PTGER4: variants seen among roughly 807,000 people sequenced by gnomAD.
PTGER4 encodes prostaglandin E receptor 4.
Under a neutral mutation model 33.2 loss-of-function variants are expected in PTGER4, and 11 were observed. The observed-to-expected ratio is 0.33, with a 90% CI of 0.21 to 0.55. The LOEUF (loss-of-function observed/expected upper bound fraction) is 0.55. Ranked by LOEUF, PTGER4 falls within the 20% of genes least tolerant of loss-of-function variation. The probability of loss-of-function intolerance (pLI) is 0.92; values close to 1 mark genes in which losing one functional copy is unlikely to be tolerated. For synonymous variants in PTGER4, 275 were observed against 281.5 expected (o/e 0.98, Z 0.23); for missense variants, 481 against 650.2 (o/e 0.74, Z 2.83).
At chr5:40,688,203 G>C (rs1484764039) in intron 2 of PTGER4, among the ~76,000 whole-genome samples, 2 of 152,116 alleles carry the variant, frequency 1.3e-5, no homozygotes, top group African/African-American at 2.4e-5. Context: ...AACATTTTCA[G>C]TGTCAAAAAT....
the PTGER4 span, among the ~76,000 whole-genome samples, chr5:40,733,569 C>T: frequency 1.3e-5 from 2 of 152,110 alleles, no homozygotes; most frequent in Non-Finnish European, 2.9e-5. Flanking sequence ...ATTTTCTGCC[C>T]AACTCAACCA....
the PTGER4 span, among the ~76,000 whole-genome samples, chr5:40,746,335 TTTAC>T: frequency 1.1e-4 from 16 of 152,218 alleles, no homozygotes; most frequent in Admixed American, 3.3e-4. Flanking sequence ...GCAAGTCATA[TTTAC>T]TTAAGTATAT....
the PTGER4 span, among the ~76,000 whole-genome samples, chr5:40,722,432 C>T: frequency 2.6e-5 from 4 of 151,600 alleles, no homozygotes; most frequent in Admixed American, 6.6e-5. Flanking sequence ...AGCGCCTCTT[C>T]CCGGCCGTCA....
the PTGER4 span, among the ~76,000 whole-genome samples, chr5:40,711,492 G>C: frequency 6.6e-6 from 1 of 152,050 alleles, no homozygotes; most frequent in Non-Finnish European, 1.5e-5. Context: ...CTTTAAAGTT[G>C]TGCATAAACT....
At chr5:40,710,861 G>A in the PTGER4 span, among the ~76,000 whole-genome samples, 4 of 152,082 alleles carry the variant, frequency 2.6e-5, no homozygotes, top group African/African-American at 7.2e-5. Context: ...CTCACTCATA[G>A]GTGGGAATTG....
the PTGER4 span, chr5:40,716,417 T>C: frequency 6.2e-7 from 1 of 1,613,930 alleles, no homozygotes; most frequent in Non-Finnish European, 8.5e-7. Flanking sequence ...TCCTGGAGCG[T>C]TCTTGCCCAA....
the PTGER4 span, among the ~76,000 whole-genome samples, chr5:40,745,311 G>T: frequency 6.6e-6 from 1 of 152,074 alleles, no homozygotes; most frequent in Non-Finnish European, 1.5e-5. Context: ...TGTTAGGTAA[G>T]ATAATATCCT....
rs1327159224 is a variant in PTGER4, at chr5:40,692,841, A to G, written c.*463A>G. ...TATTGTTGTACATACGATTTAAGGT[A>G]TTTAAAGTATTTTCTTCTCTGTGAG... On this transcript the variant is annotated 3_prime_UTR_variant, in exon 3 of 3. Coordinates refer to ENST00000302472, the MANE Select transcript of PTGER4 (RefSeq NM_000958.3). The G allele has an allele frequency of 1.0e-6, 1 of 985,208 alleles. No individual in the cohort carries two copies. Among genetic ancestry groups the G allele is most frequent in the Non-Finnish European group, 1.2e-6 (1 of 829,136 alleles). 61.0% of individuals were successfully genotyped at this position (985,208 alleles called of 1,614,324 possible). A position where few individuals can be genotyped will look rare whatever the true frequency, so the allele number is the denominator to read the frequency against.
At chr5:40,743,985 T>C in the PTGER4 span, among the ~76,000 whole-genome samples, 3 of 152,328 alleles carry the variant, frequency 2.0e-5, no homozygotes, top group South Asian at 6.2e-4. Flanking sequence ...TGATATCTCT[T>C]CTCTGTCACA....
the PTGER4 span, among the ~76,000 whole-genome samples, chr5:40,733,281 C>A: frequency 6.6e-6 from 1 of 152,028 alleles, no homozygotes; most frequent in Non-Finnish European, 1.5e-5. Flanking sequence ...GGTCTTTGGT[C>A]TCTAGAGCAA....
At chr5:40,685,422 G>A in intron 2 of PTGER4, 1 of 985,436 alleles carries the variant, frequency 1.0e-6, no homozygotes, top group Non-Finnish European at 1.2e-6. Context: ...TAAAACAACT[G>A]ATGGGATGTC....
At chr5:40,734,081 A>C in the PTGER4 span, among the ~76,000 whole-genome samples, 1,585 of 152,358 alleles carry the variant, frequency 0.01, 21 homozygotes, top group African/African-American at 0.033. Context: ...TAAAGGAACA[A>C]GTGAGCTGTT....
the PTGER4 span, among the ~76,000 whole-genome samples, chr5:40,719,197 AC>A: frequency 6.1e-4 from 93 of 152,276 alleles, no homozygotes; most frequent in African/African-American, 2.1e-3. Flanking sequence ...AAAATTCCAT[AC>A]CTACTGGCAG....
At chr5:40,682,309 G>C (rs1468401446) in intron 2 of PTGER4, among the ~76,000 whole-genome samples, 1 of 152,176 alleles carries the variant, frequency 6.6e-6, no homozygotes, top group Non-Finnish European at 1.5e-5. Flanking sequence ...TTTAAGGAAA[G>C]TGGGGTTTTT....
the PTGER4 span, among the ~76,000 whole-genome samples, chr5:40,704,383 A>G: frequency 0.67 from 101,730 of 152,018 alleles, 34,191 homozygotes; most frequent in East Asian, 0.77. Context: ...ACATTAGACC[A>G]AATGGGCAAA....
the PTGER4 span, among the ~76,000 whole-genome samples, chr5:40,718,687 G>A: frequency 5.9e-5 from 9 of 151,702 alleles, no homozygotes; most frequent in Admixed American, 3.9e-4. Flanking sequence ...GCAGTGAGCC[G>A]AGATTGCACC....
At chr5:40,710,785 G>A in the PTGER4 span, among the ~76,000 whole-genome samples, 1 of 152,136 alleles carries the variant, frequency 6.6e-6, no homozygotes, top group Non-Finnish European at 1.5e-5. Flanking sequence ...TAGGGACATG[G>A]ATGAAGCTGG....
chr5:40,722,979 G>A, the PTGER4 span, among the ~76,000 whole-genome samples: 77 of 152,334 alleles, frequency 5.1e-4, no homozygotes, highest in Non-Finnish European at 8.2e-4. Context: ...TGACGATGGC[G>A]GTTTTGTCAA....
chr5:40,709,421 C>T, the PTGER4 span, among the ~76,000 whole-genome samples: 2 of 152,278 alleles, frequency 1.3e-5, no homozygotes, highest in South Asian at 4.1e-4. Context: ...CATGAGTGAA[C>T]TCCCATTCAC....
Sources: gnomAD v4.1 joint callset for allele counts (sites outside exome capture counted in the v4.1 genomes callset) on GRCh38, gnomAD v4.1.1 for gene constraint, MANE v1.5 for transcripts, NCBI Gene and HGNC (gene_info 2026-07-23, HGNC 2026-07-21) for gene names.